XRCC6: variants seen among roughly 807,000 people sequenced by gnomAD.
XRCC6 encodes X-ray repair cross complementing 6, also known as DNA repair protein Ku70.
XRCC6 carries 5 observed loss-of-function variants against 65.7 expected under a neutral mutation model. That is an observed-to-expected ratio of 0.08 (90% CI 0.04 to 0.16). The LOEUF (loss-of-function observed/expected upper bound fraction) is 0.16. Among genes scored for constraint, XRCC6 ranks in the 10% least tolerant of loss-of-function variants. XRCC6 has a pLI of 1.00. For missense variants in XRCC6, 447 were observed against 738.1 expected (o/e 0.61, Z 4.57); for synonymous variants, 270 against 270.6 (o/e 1.00, Z 0.02).
chr22:41,635,620 A>G (rs2067801178), intron 3 of XRCC6, among the ~76,000 whole-genome samples: 1 of 151,964 alleles, frequency 6.6e-6, no homozygotes, highest in African/African-American at 2.4e-5. Context: ...TGCTCACTGC[A>G]GCCTTCACCT....
chr22:41,626,555 A>C (rs969751253), intron 2 of XRCC6, among the ~76,000 whole-genome samples: 2 of 151,678 alleles, frequency 1.3e-5, no homozygotes, highest in African/African-American at 4.8e-5. Context: ...CCCAGGTTCA[A>C]GTGATTCTCC....
At chr22:41,625,652 G>C (rs1326868260) in intron 2 of XRCC6, among the ~76,000 whole-genome samples, 2 of 151,938 alleles carry the variant, frequency 1.3e-5, no homozygotes, top group Non-Finnish European at 2.9e-5. Context: ...AGAGGACTCT[G>C]TTAATCTACA....
chr22:41,628,134 A>C lies in XRCC6; in HGVS notation c.99A>C (p.Ser33=). ...NLEASGDYKY[S]GRDSLIFLVD... ...TCCCCATAGGAGACTATAAATATTC[A>C]GGAAGAGATAGTTTGATTTTTTTGG... The change falls in exon 3 of 13, where the codon TCA becomes TCC. Residue 33 remains serine (S), a synonymous_variant. Coordinates refer to ENST00000360079, the MANE Select transcript of XRCC6 (RefSeq NM_001469.5). The C allele has an allele frequency of 6.2e-7, 1 of 1,611,908 alleles. No homozygotes were observed. Among genetic ancestry groups the C allele is most frequent in the Non-Finnish European group, 8.5e-7 (1 of 1,179,108 alleles).
intron 11 of XRCC6, among the ~76,000 whole-genome samples, chr22:41,659,698 A>G (rs1332180451): frequency 1.3e-5 from 2 of 151,884 alleles, no homozygotes; most frequent in East Asian, 3.9e-4. Context: ...TCATTCATTC[A>G]TTTGAGACAG....
At position 41,644,580 on chromosome 22, in the gene XRCC6, G is replaced by C. The variant is rs916918020; in HGVS notation, c.774-2316G>C. ...GCCTCACTGCAACCTCTGCCTCCTGGGTTCAAGCAATTCTCCTGCCTCAGC... is the reference window on the plus strand; with the variant it reads ...GCCTCACTGCAACCTCTGCCTCCTGCGTTCAAGCAATTCTCCTGCCTCAGC... On this transcript the variant is annotated intron_variant, in intron 6 of 12. Transcript: ENST00000360079. Among the ~76,000 whole-genome samples, 4 of 152,082 alleles carry C rather than the reference G, an allele frequency of 2.6e-5. No individual in the cohort carries two copies. In the East Asian group the frequency reaches 5.8e-4, roughly 22 times the overall value.
chr22:41,663,096 G>A (rs1166792456), intron 12 of XRCC6, among the ~76,000 whole-genome samples: 1 of 152,126 alleles, frequency 6.6e-6, no homozygotes, highest in African/African-American at 2.4e-5. Context: ...TGATACAGAA[G>A]TTATATCCTT....
At chr22:41,629,936 G>C (rs990571966) in intron 3 of XRCC6, among the ~76,000 whole-genome samples, 2 of 150,132 alleles carry the variant, frequency 1.3e-5, no homozygotes, top group Admixed American at 6.7e-5. Context: ...AAAGTGCTGG[G>C]ATTACAGGTG....
intron 12 of XRCC6, among the ~76,000 whole-genome samples, chr22:41,662,756 C>T (rs1328269222): frequency 6.6e-6 from 1 of 152,108 alleles, no homozygotes; most frequent in Admixed American, 6.6e-5. Context: ...CTCACCCTTC[C>T]AGGACTTAAT....
intron 8 of XRCC6, 40 bp downstream of exon 8, chr22:41,650,931 A>G: frequency 6.2e-7 from 1 of 1,610,214 alleles, no homozygotes; most frequent in Non-Finnish European, 8.5e-7. Flanking sequence ...TCTAACACAC[A>G]GTGCAGTTTA....
rs558039244 is a variant in XRCC6, at chr22:41,653,902, C to G, written c.1291+212C>G. On this transcript the variant is annotated intron_variant, in intron 9 of 12. Coordinates refer to ENST00000360079, the MANE Select transcript of XRCC6 (RefSeq NM_001469.5). ...GCACAGCATGCGCAGCCGTACAAGG[C>G]TGATCTGCAGCTAGGATAGAGAAAT... 5.3e-5 allele frequency among the ~76,000 whole-genome samples: 8 copies of G among 152,252 alleles called. No individual in the cohort carries two copies. In the South Asian group the frequency reaches 1.7e-3, roughly 32 times the overall value.
At position 41,637,777 on chromosome 22, in the gene XRCC6, G is replaced by A. The variant is rs1348122544; in HGVS notation, c.759G>A (p.Lys253=). Residue 253 remains lysine (K), a synonymous_variant, in exon 6 of 13, where the codon AAG becomes AAA. Transcript: ENST00000360079. ...LRKVRAKETR[K]RALSRLKLKL... ...AGGTTCGCGCCAAGGAGACCAGGAAGCGAGCACTCAGCAGGTGTGCACTCA... is the reference window on the plus strand; with the variant it reads ...AGGTTCGCGCCAAGGAGACCAGGAAACGAGCACTCAGCAGGTGTGCACTCA... 1.9e-6 allele frequency: 3 copies of A among 1,613,848 alleles called. No individual in the cohort carries two copies. Among genetic ancestry groups the A allele is most frequent in the Non-Finnish European group, 2.5e-6 (3 of 1,179,908 alleles).
rs1280438012 is a variant in XRCC6, at chr22:41,654,964, C to A, written c.1291+1274C>A. 9.9e-5 allele frequency among the ~76,000 whole-genome samples: 15 copies of A among 152,170 alleles called. 1 individual carries two copies. Among genetic ancestry groups the A allele is most frequent in the Admixed American group, 9.2e-4 (14 of 15,276 alleles). On this transcript the variant is annotated intron_variant, in intron 9 of 12. Transcript: ENST00000360079. ...TTTAAGTGGAAAATTCTAGAAATAA[C>A]TTAAAAGCACAATCCCACCTGGGGC...
intron 3 of XRCC6, among the ~76,000 whole-genome samples, chr22:41,630,610 A>C (rs2067730863): frequency 6.6e-6 from 1 of 151,742 alleles, no homozygotes; most frequent in African/African-American, 2.4e-5. Flanking sequence ...ACAAGTGAAC[A>C]AAGGTCTCTG....
intron 2 of XRCC6, among the ~76,000 whole-genome samples, chr22:41,626,296 C>T (rs981388005): frequency 4.0e-5 from 6 of 151,472 alleles, no homozygotes; most frequent in African/African-American, 1.5e-4. Context: ...GCATGCGCCA[C>T]TACACGCAGC....
In XRCC6 at chr22:41,656,784, G is replaced by A. The variant is rs776484651; in HGVS notation, c.1292-119G>A. 4.6e-6 allele frequency: 6 copies of A among 1,302,904 alleles called. No individual in the cohort carries two copies. The South Asian group carries it at 6.9e-5, about 15-fold the overall frequency. The allele number at this position is 1,302,904 out of a possible 1,614,324, so 80.7% of individuals were successfully genotyped here. A position where few individuals can be genotyped will look rare whatever the true frequency, so the allele number is the denominator to read the frequency against. ...AACCAGCTGGTGGAGTTCAAGAAAT[G>A]GGGCCTACGGGGCCCCAGCCCCAGC... On this transcript the variant is annotated intron_variant, in intron 9 of 12. Transcript: ENST00000360079.
In XRCC6 at chr22:41,663,991, T is replaced by C. The variant is rs2068124504; in HGVS notation, c.*176T>C. ...TGGTGATGGTGTAGCCCTCCCACTT[T>C]GCTGTTCCTTACTTTACTGCCTGAA... On this transcript the variant is annotated 3_prime_UTR_variant, in exon 13 of 13. Transcript: ENST00000360079. 4.4e-6 allele frequency: 3 copies of C among 685,162 alleles called. No individual in the cohort carries two copies. Among genetic ancestry groups the C allele is most frequent in the Non-Finnish European group, 7.3e-6 (3 of 411,102 alleles). 42.4% of individuals were successfully genotyped at this position (685,162 alleles called of 1,614,324 possible).
In XRCC6 at chr22:41,647,065, G is replaced by C; in HGVS notation, c.943G>C (p.Asp315His). ...TSTGGLLLPS[D>H]TKRSQIYGSR... ...TACAGGCGGTTTGCTTCTGCCTAGCGATACCAAGAGGTCTCAGGTAGGTAG... is the reference window on the plus strand; with the variant it reads ...TACAGGCGGTTTGCTTCTGCCTAGCCATACCAAGAGGTCTCAGGTAGGTAG... Residue 315 changes from aspartate to histidine, a missense_variant, in exon 7 of 13, where the codon GAT (aspartate) becomes CAT (histidine). Physicochemically the swap from Asp to His is moderately conservative, Grantham distance 81. This residue lies in a region of XRCC6 where 201 missense variants were observed against 374.1 expected (regional missense o/e 0.54). Coordinates refer to ENST00000360079, the MANE Select transcript of XRCC6 (RefSeq NM_001469.5). 6.2e-7 allele frequency: 1 copy of C among 1,614,000 alleles called. No individual in the cohort carries two copies. The highest frequency in any genetic ancestry group is 8.5e-7 in the Non-Finnish European group (1 of 1,179,984).
At chr22:41,654,860 C>T (rs962284727) in intron 9 of XRCC6, among the ~76,000 whole-genome samples, 5 of 152,158 alleles carry the variant, frequency 3.3e-5, no homozygotes, top group African/African-American at 1.2e-4. Flanking sequence ...CAGGTAGGAA[C>T]AGTAAATACA....
intron 6 of XRCC6, among the ~76,000 whole-genome samples, chr22:41,641,035 A>G (rs906238496): frequency 6.6e-6 from 1 of 152,134 alleles, no homozygotes; most frequent in Admixed American, 6.5e-5. Flanking sequence ...TTGAGTCCAG[A>G]AGCAAGACCA....
Sources: allele counts gnomAD v4.1 joint callset (sites outside exome capture counted in the v4.1 genomes callset), GRCh38; gene constraint gnomAD v4.1.1; regional missense constraint gnomAD v4.1.1; transcripts MANE v1.5; gene names NCBI Gene and HGNC (gene_info 2026-07-23, HGNC 2026-07-21).